TMEM242: variants seen among roughly 807,000 people sequenced by gnomAD.
TMEM242 encodes the protein transmembrane protein 242.
In TMEM242, 10 loss-of-function variants were observed where a neutral mutation model predicts 18.2. The observed-to-expected ratio is 0.55, with a 90% confidence interval of 0.34 to 0.93. The LOEUF is 0.93. Ranked by LOEUF, TMEM242 falls within the 40% of genes least tolerant of loss-of-function variation. The pLI is 0.02. For missense variants in TMEM242, 186 were observed against 175.5 expected, an observed-to-expected ratio of 1.06 and a Z score of -0.34; for synonymous variants, 57 against 69.9, an observed-to-expected ratio of 0.81 and a Z score of 0.92.
intron 3 of TMEM242, among the ~76,000 whole-genome samples, chr6:157,307,418 A>T (rs986493307): frequency 2.0e-5 from 3 of 152,200 alleles, no homozygotes; most frequent in Non-Finnish European, 1.5e-5. Flanking sequence ...TATTTTACTT[A>T]TACAAGGAAA....
chr6:157,311,879 A>G (rs797030607), intron 3 of TMEM242, among the ~76,000 whole-genome samples: 1 of 16,138 alleles, frequency 6.2e-5, no homozygotes, highest in Admixed American at 8.2e-4. Flanking sequence ...TAGCCTCATC[A>G]TAGTGTTCCA....
In TMEM242 at chr6:157,313,538, A is replaced by G. The variant is rs1778283642; in HGVS notation, c.327+5244T>C. Among the ~76,000 whole-genome samples the G allele has an allele frequency of 6.8e-5, 4 of 58,848 alleles. No homozygotes were observed. The South Asian group carries it at 1.9e-3, about 29-fold the overall frequency. The allele number at this position is 58,848 out of a possible 152,430, so 38.6% of individuals were successfully genotyped here. A position where few individuals can be genotyped will look rare whatever the true frequency, so the allele number is the denominator to read the frequency against. ...CAGTGTGCAGTCATCTGGCGTCATC[A>G]TAGTGCCCCAGTGTTCGCTCACCTA... On this transcript the variant is annotated intron_variant, in intron 3 of 3. Coordinates refer to ENST00000400788, the MANE Select transcript of TMEM242 (RefSeq NM_018452.6).
chr6:157,297,657 G>A (rs1483587333), intron 3 of TMEM242, among the ~76,000 whole-genome samples: 2 of 152,122 alleles, frequency 1.3e-5, no homozygotes, highest in Non-Finnish European at 2.9e-5. Context: ...GGTAGAAAAG[G>A]GTCAGTGTTT....
At chr6:157,316,939 C>T (rs1554250390) in intron 3 of TMEM242, among the ~76,000 whole-genome samples, 1 of 152,140 alleles carries the variant, frequency 6.6e-6, no homozygotes, top group East Asian at 1.9e-4. Context: ...CATCATCTGT[C>T]TATCAGTGTA....
rs1583569111 is a variant in TMEM242 at position 157,312,483 on chromosome 6, TCATAGTGTCCCAGTG to T, written c.327+6284_327+6298del. ...CCCAGCGTGCACTCACCTAGCCTCA[TCATAGTGTCCCAGTG>T]TGCACTCACCGAGCCTCATCATACC... On this transcript the variant is annotated intron_variant, in intron 3 of 3. Transcript: ENST00000400788. Among the ~76,000 whole-genome samples the T allele has an allele frequency of 1.1e-4, 17 of 148,404 alleles. 1 individual carries two copies. The highest frequency in any genetic ancestry group is 2.0e-4 in the Admixed American group (3 of 14,814).
intron 3 of TMEM242, chr6:157,299,322 C>A: frequency 1.1e-6 from 1 of 889,100 alleles, no homozygotes; most frequent in Non-Finnish European, 1.9e-6. Context: ...CACTTGTGGA[C>A]ATTTTTCCAT....
At chr6:157,296,552 G>A (rs587667900) in intron 3 of TMEM242, among the ~76,000 whole-genome samples, 12 of 152,280 alleles carry the variant, frequency 7.9e-5, no homozygotes, top group East Asian at 1.9e-4. Context: ...GCATGGTGGC[G>A]CACGCCTGTA....
intron 3 of TMEM242, among the ~76,000 whole-genome samples, chr6:157,313,121 CGG>C: frequency 1.1e-4 from 1 of 9,140 alleles, no homozygotes; most frequent in South Asian, 4.0e-3. Context: ...TGTGCTCACC[CGG>C]CCTCATCATA....
chr6:157,303,483 A>AAAAAC (rs782076970), intron 3 of TMEM242, among the ~76,000 whole-genome samples: 2 of 152,266 alleles, frequency 1.3e-5, no homozygotes, highest in Non-Finnish European at 2.9e-5. Context: ...TAAAACATTA[A>AAAAAC]AAAACAAAAC....
At position 157,293,274 on chromosome 6, in the gene TMEM242, C is replaced by T. The variant is rs186552169; in HGVS notation, c.328-275G>A. Reference sequence around the variant, plus strand: ...GCTCACACCTGTAGTCCTAGCTACTCGGGAGGCTGAGGTGGGTAGATTGCT... The same window carrying T: ...GCTCACACCTGTAGTCCTAGCTACTTGGGAGGCTGAGGTGGGTAGATTGCT... On this transcript the variant is annotated intron_variant, in intron 3 of 3. Coordinates refer to ENST00000400788, the MANE Select transcript of TMEM242 (RefSeq NM_018452.6). Among the ~76,000 whole-genome samples the T allele has an allele frequency of 2.0e-3, 300 of 152,188 alleles. 3 individuals carry two copies. The highest frequency in any genetic ancestry group is 6.7e-3 in the African/African-American group (280 of 41,528).
intron 3 of TMEM242, among the ~76,000 whole-genome samples, chr6:157,309,001 C>CTAAAA (rs1777954916): frequency 6.6e-6 from 1 of 152,162 alleles, no homozygotes; most frequent in Non-Finnish European, 1.5e-5. Flanking sequence ...AAATTGCAAT[C>CTAAAA]TAAATGCCAT....
At position 157,320,596 on chromosome 6, in the gene TMEM242, A is replaced by C. The variant is rs587683257; in HGVS notation, c.190-1677T>G. Among the ~76,000 whole-genome samples the C allele has an allele frequency of 2.6e-4, 40 of 151,998 alleles. No individual in the cohort carries two copies. The South Asian group carries it at 7.9e-3, about 30-fold the overall frequency. On this transcript the variant is annotated intron_variant, in intron 2 of 3. Coordinates refer to ENST00000400788, the MANE Select transcript of TMEM242 (RefSeq NM_018452.6). ...AGCAATTCTTGTGCCTCAGCCTCCC[A>C]AGTAGCTGGGATTACAGGTGCATGC...
chr6:157,293,880 T>C (rs1554247018), intron 3 of TMEM242, among the ~76,000 whole-genome samples: 1 of 152,108 alleles, frequency 6.6e-6, no homozygotes, highest in African/African-American at 2.4e-5. Context: ...ACTACAGGCA[T>C]GTGCTAACTT....
chr6:157,310,895 G>C, intron 3 of TMEM242, among the ~76,000 whole-genome samples: 1 of 151,818 alleles, frequency 6.6e-6, no homozygotes, highest in African/African-American at 2.4e-5. Context: ...CACTCACCTA[G>C]CCTCATCATA....
At chr6:157,309,739 C>T (rs1777967113) in intron 3 of TMEM242, among the ~76,000 whole-genome samples, 2 of 149,162 alleles carry the variant, frequency 1.3e-5, no homozygotes, top group South Asian at 4.3e-4. Context: ...AAATCAAAAA[C>T]TCCCTTCATT....
chr6:157,312,558 GCCCCAGTGTACGC>G (rs1562385046), intron 3 of TMEM242, among the ~76,000 whole-genome samples: 56 of 142,212 alleles, frequency 3.9e-4, no homozygotes, highest in East Asian at 2.2e-3. Flanking sequence ...TCATCATAGT[GCCCCAGTGTACGC>G]TCACCCGGCC....
At chr6:157,297,156 C>T (rs1329400935) in intron 3 of TMEM242, among the ~76,000 whole-genome samples, 1 of 152,178 alleles carries the variant, frequency 6.6e-6, no homozygotes, top group Non-Finnish European at 1.5e-5. Context: ...TATCATCCCT[C>T]CTTTAAAGCT....
intron 3 of TMEM242, among the ~76,000 whole-genome samples, chr6:157,304,482 AAAAAAAAAAGAG>A (rs1487140252): frequency 7.7e-4 from 96 of 124,978 alleles, no homozygotes; most frequent in African/African-American, 2.9e-3. Context: ...AAAAAAAAAA[AAAAAAAAAAGAG>A]AGAGAGAGAG....
chr6:157,323,492 G>A lies in TMEM242; in HGVS notation c.8C>T (p.Thr3Ile), dbSNP rs199650646. ME[T>I]AGAATGQPAS... ...CGGCTGCCCAGTTGCAGCGCCCGCT[G>A]TCTCCATGTTTAGGTCGCCTCTAGT... Residue 3 changes from threonine (T) to isoleucine (I), a missense_variant, in exon 1 of 4, where the codon ACA becomes ATA. Transcript: ENST00000400788. The A allele has an allele frequency of 5.1e-4, 822 of 1,613,776 alleles. 7 individuals carry two copies. Among genetic ancestry groups the A allele is most frequent in the Admixed American group, 1.8e-4 (11 of 60,002 alleles).
Sources: gnomAD v4.1 joint callset for allele counts (sites outside exome capture counted in the v4.1 genomes callset) on GRCh38, gnomAD v4.1.1 for gene constraint, MANE v1.5 for transcripts, NCBI Gene and HGNC (gene_info 2026-07-23, HGNC 2026-07-21) for gene names.